The following NBAS variants were observed in gnomAD, a reference collection of about 807,000 sequenced individuals.
The protein encoded by NBAS is NBAS subunit of NRZ tethering complex.
Under a neutral mutation model 302.5 loss-of-function variants are expected in NBAS, and 219 were observed. That is an observed-to-expected ratio of 0.72 (90% CI 0.65 to 0.81). NBAS has a LOEUF of 0.81. Among genes scored for constraint, NBAS ranks in the 30% least tolerant of loss-of-function variants. The probability of loss-of-function intolerance (pLI) is 0.00; values close to 1 mark genes in which losing one functional copy is unlikely to be tolerated. For synonymous variants in NBAS, 1,118 were observed against 1,021.6 expected, an observed-to-expected ratio of 1.09 and a Z score of -1.80; for missense variants, 2,932 against 2,841.6, an observed-to-expected ratio of 1.03 and a Z score of -0.72.
At chr2:15,426,200 T>C (rs1558327172) in intron 22 of NBAS, among the ~76,000 whole-genome samples, 1 of 152,234 alleles carries the variant, frequency 6.6e-6, no homozygotes, top group Non-Finnish European at 1.5e-5. Flanking sequence ...TTCAAAGGAT[T>C]GCTCCATTGT....
chr2:15,175,387 G>C (rs2125109836), intron 51 of NBAS, among the ~76,000 whole-genome samples: 1 of 152,286 alleles, frequency 6.6e-6, no homozygotes, highest in South Asian at 2.1e-4. Context: ...GCAATGAAGA[G>C]CAGGAGCCGT....
the NBAS span, among the ~76,000 whole-genome samples, chr2:15,140,736 C>A: frequency 2.7e-4 from 41 of 152,284 alleles, no homozygotes; most frequent in South Asian, 8.5e-3. Flanking sequence ...ATGCTTCTAC[C>A]TTAACCTTGA....
At chr2:15,105,677 C>A in the NBAS span, among the ~76,000 whole-genome samples, 1 of 152,072 alleles carries the variant, frequency 6.6e-6, no homozygotes, top group African/African-American at 2.4e-5. Flanking sequence ...TTTCCTAGGT[C>A]TCTACCTTGT....
At chr2:15,177,633 A>G (rs1664610426) in intron 51 of NBAS, among the ~76,000 whole-genome samples, 1 of 152,154 alleles carries the variant, frequency 6.6e-6, no homozygotes, top group African/African-American at 2.4e-5. Context: ...GAGGGTGGGG[A>G]GGAAAAAAAA....
At chr2:14,816,695 C>T in the NBAS span, among the ~76,000 whole-genome samples, 1 of 152,188 alleles carries the variant, frequency 6.6e-6, no homozygotes, top group Non-Finnish European at 1.5e-5. Flanking sequence ...ACATCAGAAC[C>T]TCAGCAATCC....
the NBAS span, among the ~76,000 whole-genome samples, chr2:15,064,961 A>G: frequency 2.6e-5 from 4 of 152,298 alleles, no homozygotes; most frequent in South Asian, 8.3e-4. Context: ...TTAATGTAAC[A>G]GAACCCATTT....
At chr2:14,849,757 G>T in the NBAS span, among the ~76,000 whole-genome samples, 6 of 143,366 alleles carry the variant, frequency 4.2e-5, no homozygotes, top group Non-Finnish European at 7.4e-5. Flanking sequence ...CAAGCCAGAA[G>T]AGAGTGGGGG....
intron 11 of NBAS, among the ~76,000 whole-genome samples, chr2:15,501,280 C>CAA (rs35909962): frequency 5.6e-4 from 68 of 121,750 alleles, no homozygotes; most frequent in African/African-American, 1.7e-3. Context: ...CACTCTGCCT[C>CAA]AAAAAAAAAA....
the NBAS span, among the ~76,000 whole-genome samples, chr2:15,054,217 C>G: frequency 6.6e-6 from 1 of 152,174 alleles, no homozygotes; most frequent in Non-Finnish European, 1.5e-5. Flanking sequence ...GTATTACTAC[C>G]CATTTCATAG....
chr2:15,525,177 C>G (rs1360566576), intron 9 of NBAS, among the ~76,000 whole-genome samples: 1 of 152,202 alleles, frequency 6.6e-6, no homozygotes, highest in Non-Finnish European at 1.5e-5. Context: ...CAAACTGGTT[C>G]TCCCAGGAGA....
the NBAS span, among the ~76,000 whole-genome samples, chr2:15,005,703 A>C: frequency 6.6e-6 from 1 of 152,234 alleles, no homozygotes; most frequent in South Asian, 2.1e-4. Context: ...GCTAGAATTT[A>C]AGAAAACATG....
the NBAS span, among the ~76,000 whole-genome samples, chr2:15,079,924 T>C: frequency 6.6e-6 from 1 of 152,236 alleles, no homozygotes; most frequent in Non-Finnish European, 1.5e-5. Flanking sequence ...TCAAACTTAT[T>C]TGGCATGATT....
At chr2:15,072,913 C>T in the NBAS span, among the ~76,000 whole-genome samples, 1 of 152,130 alleles carries the variant, frequency 6.6e-6, no homozygotes, top group African/African-American at 2.4e-5. Context: ...TGGATCACTT[C>T]GAGCTCAGGA....
chr2:15,560,667 G>A (rs1664868223), intron 1 of NBAS, among the ~76,000 whole-genome samples: 1 of 151,864 alleles, frequency 6.6e-6, no homozygotes, highest in African/African-American at 2.4e-5. Context: ...CCAGCCCCCA[G>A]TATGGGTAAA....
chr2:14,848,137 G>A, the NBAS span, among the ~76,000 whole-genome samples: 19 of 152,010 alleles, frequency 1.2e-4, no homozygotes, highest in Admixed American at 7.2e-4. Context: ...CGCAGAAGAC[G>A]GGTGATTTCT....
intron 35 of NBAS, among the ~76,000 whole-genome samples, chr2:15,331,008 T>C (rs1402666821): frequency 1.3e-5 from 2 of 152,310 alleles, no homozygotes; most frequent in African/African-American, 2.4e-5. Flanking sequence ...AACCCCATAG[T>C]GTATTAAATA....
the NBAS span, among the ~76,000 whole-genome samples, chr2:15,038,088 T>TATATAC: frequency 6.8e-6 from 1 of 147,798 alleles, no homozygotes; most frequent in Admixed American, 6.8e-5. Flanking sequence ...ATAATATATA[T>TATATAC]ATATATATGT....
the NBAS span, among the ~76,000 whole-genome samples, chr2:15,032,661 A>G: frequency 6.6e-6 from 1 of 152,226 alleles, no homozygotes; most frequent in African/African-American, 2.4e-5. Context: ...ATGAGAAAAC[A>G]TGTTCAGAAG....
At chr2:15,181,286 C>T (rs1664806906) in intron 50 of NBAS, among the ~76,000 whole-genome samples, 2 of 152,148 alleles carry the variant, frequency 1.3e-5, no homozygotes, top group South Asian at 2.1e-4. Context: ...TATGGAATAA[C>T]CTGTGTGTCC....
Sources: gnomAD v4.1 joint callset for allele counts (sites outside exome capture counted in the v4.1 genomes callset) on GRCh38, gnomAD v4.1.1 for gene constraint, MANE v1.5 for transcripts, NCBI Gene and HGNC (gene_info 2026-07-23, HGNC 2026-07-21) for gene names.